The following ALOX5AP variants were observed in gnomAD, a reference collection of about 807,000 sequenced individuals.
The protein encoded by ALOX5AP is arachidonate 5-lipoxygenase-activating protein.
A neutral mutation model predicts 18.5 loss-of-function variants in ALOX5AP; 9 were observed. The ratio of observed to expected loss-of-function variants is 0.49; its 90% CI spans 0.29 to 0.85. The LOEUF (loss-of-function observed/expected upper bound fraction) is 0.85. ALOX5AP is among the 40% of genes least tolerant of loss of function. The probability of loss-of-function intolerance (pLI) is 0.08; values close to 1 mark genes in which losing one functional copy is unlikely to be tolerated. For synonymous variants in ALOX5AP, 81 were observed against 78.6 expected, an observed-to-expected ratio of 1.03 and a Z score of -0.16; for missense variants, 172 against 202.5, an observed-to-expected ratio of 0.85 and a Z score of 0.91.
chr13:30,721,679 T>C (rs1174811257), intron 1 of ALOX5AP, among the ~76,000 whole-genome samples: 2 of 152,164 alleles, frequency 1.3e-5, no homozygotes, highest in South Asian at 2.1e-4. Flanking sequence ...GCAAATCCAT[T>C]TGTGAGACTC....
intron 1 of ALOX5AP, among the ~76,000 whole-genome samples, chr13:30,719,138 T>G (rs945409708): frequency 6.6e-6 from 1 of 152,232 alleles, no homozygotes; most frequent in African/African-American, 2.4e-5. Flanking sequence ...GGACCTACAC[T>G]TTCCAAGCCT....
intron 1 of ALOX5AP, among the ~76,000 whole-genome samples, chr13:30,721,760 C>T (rs1172058835): frequency 6.6e-6 from 1 of 152,094 alleles, no homozygotes; most frequent in African/African-American, 2.4e-5. Context: ...ATGGAAGAGG[C>T]ATGGCCCTTT....
intron 1 of ALOX5AP, among the ~76,000 whole-genome samples, chr13:30,738,281 A>T (rs987244416): frequency 6.6e-6 from 1 of 152,168 alleles, no homozygotes; most frequent in East Asian, 1.9e-4. Flanking sequence ...AGTCATCAAG[A>T]TCTTCAAATT....
chr13:30,756,514 A>G (rs1274444466), intron 4 of ALOX5AP, among the ~76,000 whole-genome samples: 1 of 152,226 alleles, frequency 6.6e-6, no homozygotes, highest in Non-Finnish European at 1.5e-5. Flanking sequence ...ATGCAGTAAG[A>G]TGCAGACATG....
intron 3 of ALOX5AP, among the ~76,000 whole-genome samples, chr13:30,753,884 T>C (rs1208832965): frequency 2.6e-5 from 4 of 152,184 alleles, no homozygotes; most frequent in African/African-American, 7.2e-5. Flanking sequence ...ATTCAGATGG[T>C]ATAACATAAG....
At chr13:30,743,912 G>C in intron 1 of ALOX5AP, 148 bp from the exon 2 acceptor site, 1 of 641,954 alleles carries the variant, frequency 1.6e-6, no homozygotes. Flanking sequence ...TGCTGAGTAC[G>C]TTTCTGCTAA....
At chr13:30,714,871 G>A (rs879477010) in intron 1 of ALOX5AP, among the ~76,000 whole-genome samples, 15 of 152,244 alleles carry the variant, frequency 9.9e-5, no homozygotes, top group Non-Finnish European at 8.8e-5. Context: ...TTTCCTTTGC[G>A]GGCAACTCCG....
At chr13:30,763,892 A>T in intron 4 of ALOX5AP, 52 bp from the exon 5 acceptor site, 1 of 1,544,148 alleles carries the variant, frequency 6.5e-7, no homozygotes, top group Admixed American at 1.8e-5. Flanking sequence ...GTGTGTGTGA[A>T]ATTGGTGTCA....
chr13:30,714,918 G>T (rs9579638), intron 1 of ALOX5AP, among the ~76,000 whole-genome samples: 26,342 of 152,064 alleles, frequency 0.17, 3,413 homozygotes, highest in African/African-American at 0.35. Flanking sequence ...TGTACTCCCC[G>T]CTTAGAGCTG....
chr13:30,741,761 T>C (rs1427309018), intron 1 of ALOX5AP, among the ~76,000 whole-genome samples: 1 of 151,684 alleles, frequency 6.6e-6, no homozygotes, highest in African/African-American at 2.4e-5. Context: ...ACAGTTGTTA[T>C]ACTGTATTGT....
upstream of ALOX5AP, among the ~76,000 whole-genome samples, chr13:30,732,712 G>A (rs562333080): frequency 1.1e-4 from 16 of 152,080 alleles, no homozygotes; most frequent in Non-Finnish European, 1.9e-4. Context: ...CTCCACAGTT[G>A]GTGAAGATGT....
chr13:30,726,284 C>T (rs773387607), intron 1 of ALOX5AP, among the ~76,000 whole-genome samples: 9 of 152,158 alleles, frequency 5.9e-5, no homozygotes, highest in Non-Finnish European at 1.3e-4. Flanking sequence ...AGAAATTGGA[C>T]TGCCACTTCA....
chr13:30,714,828 G>A (rs1171808800), intron 1 of ALOX5AP, among the ~76,000 whole-genome samples: 1 of 152,184 alleles, frequency 6.6e-6, no homozygotes, highest in Non-Finnish European at 1.5e-5. Context: ...TCTGGTTCCT[G>A]TTGGGAAACT....
chr13:30,755,610 C>T (rs891487445), intron 3 of ALOX5AP, among the ~76,000 whole-genome samples: 1 of 152,146 alleles, frequency 6.6e-6, no homozygotes, highest in Non-Finnish European at 1.5e-5. Context: ...CTATCAATAG[C>T]TGATGAGCTA....
upstream of ALOX5AP, among the ~76,000 whole-genome samples, chr13:30,733,918 C>G (rs947641671): frequency 6.6e-6 from 1 of 152,138 alleles, no homozygotes; most frequent in African/African-American, 2.4e-5. Flanking sequence ...GCCCCTTGTT[C>G]TCCAGCTTTT....
At chr13:30,718,382 CATAT>C (rs59562797) in intron 1 of ALOX5AP, among the ~76,000 whole-genome samples, 13,621 of 139,650 alleles carry the variant, frequency 0.098, 689 homozygotes, top group African/African-American at 0.13. Flanking sequence ...CACAGATATG[CATAT>C]ATATATATAT....
At chr13:30,739,298 A>G (rs992057852) in intron 1 of ALOX5AP, among the ~76,000 whole-genome samples, 1 of 152,234 alleles carries the variant, frequency 6.6e-6, no homozygotes, top group Non-Finnish European at 1.5e-5. Flanking sequence ...GCCTTTGCAG[A>G]GACTGGAGGG....
chr13:30,724,084 C>G (rs1008115801), intron 1 of ALOX5AP, among the ~76,000 whole-genome samples: 1 of 152,192 alleles, frequency 6.6e-6, no homozygotes, highest in South Asian at 2.1e-4. Context: ...GTGTCCCTCT[C>G]CAGTCAATAT....
intron 4 of ALOX5AP, among the ~76,000 whole-genome samples, chr13:30,763,004 A>G (rs1358165030): frequency 6.6e-6 from 1 of 152,146 alleles, no homozygotes; most frequent in Non-Finnish European, 1.5e-5. Context: ...AGAGAAGGAT[A>G]GAGTATATTA....
Sources: gnomAD v4.1 joint callset for allele counts (sites outside exome capture counted in the v4.1 genomes callset) on GRCh38, gnomAD v4.1.1 for gene constraint, MANE v1.5 for transcripts, NCBI Gene and HGNC (gene_info 2026-07-23, HGNC 2026-07-21) for gene names.